SUMF1: variants seen among roughly 807,000 people sequenced by gnomAD.
SUMF1 encodes formylglycine-generating enzyme.
A neutral mutation model predicts 47.6 loss-of-function variants in SUMF1; 48 were observed. The ratio of observed to expected loss-of-function variants is 1.01; its 90% CI spans 0.80 to 1.28. The LOEUF is 1.28. Among genes scored for constraint, SUMF1 ranks in the 50% most tolerant of loss-of-function variants. The probability of loss-of-function intolerance (pLI) is 0.00; values close to 1 mark genes in which losing one functional copy is unlikely to be tolerated. For missense variants in SUMF1, 571 were observed against 485.4 expected, an observed-to-expected ratio of 1.18 and a Z score of -1.66; for synonymous variants, 230 against 192.1, an observed-to-expected ratio of 1.20 and a Z score of -1.63.
chr3:4,271,476 TAG>T (rs1697301334), intron 8 of SUMF1, among the ~76,000 whole-genome samples: 2 of 129,260 alleles, frequency 1.5e-5, no homozygotes, highest in South Asian at 4.7e-4. Flanking sequence ...TATAGATAGA[TAG>T]ATAGATAGAT....
At chr3:4,046,344 T>G (rs1447444734) in intron 9 of SUMF1, among the ~76,000 whole-genome samples, 1 of 152,168 alleles carries the variant, frequency 6.6e-6, no homozygotes, top group Non-Finnish European at 1.5e-5. Flanking sequence ...TTCTTCTCTT[T>G]GAGGTCACAC....
intron 8 of SUMF1, among the ~76,000 whole-genome samples, chr3:4,225,584 C>G (rs1045983955): frequency 6.6e-6 from 1 of 152,136 alleles, no homozygotes; most frequent in Admixed American, 6.5e-5. Context: ...TGCAGACAAA[C>G]AGCACTGGTG....
chr3:4,075,968 C>T (rs1692423416), intron 8 of SUMF1, among the ~76,000 whole-genome samples: 1 of 152,122 alleles, frequency 6.6e-6, no homozygotes, highest in African/African-American at 2.4e-5. Flanking sequence ...TGACTTTCTT[C>T]ACAGAATTGG....
chr3:4,203,375 C>A (rs1049106968), intron 8 of SUMF1, among the ~76,000 whole-genome samples: 1 of 151,874 alleles, frequency 6.6e-6, no homozygotes, highest in Non-Finnish European at 1.5e-5. Context: ...GCCTTTAAAT[C>A]CATTTTATGT....
rs867324232 is a variant in SUMF1 at position 4,066,752 on chromosome 3, C to T, written c.1191+1817G>A. On this transcript the variant is annotated intron_variant and NMD_transcript_variant, in intron 9 of 12. Transcript: ENST00000448413. ...CCTGCAATATAACAAAGCCTTATCCCCTGGCAAAACTCATTGTTTCAGTGA... is the reference window on the plus strand; with the variant it reads ...CCTGCAATATAACAAAGCCTTATCCTCTGGCAAAACTCATTGTTTCAGTGA... 4.6e-5 allele frequency among the ~76,000 whole-genome samples: 7 copies of T among 152,270 alleles called. No homozygotes were observed. The South Asian group carries it at 1.0e-3, about 23-fold the overall frequency.
chr3:4,316,944 C>A, intron 8 of SUMF1: 1 of 1,549,400 alleles, frequency 6.5e-7, no homozygotes, highest in South Asian at 1.2e-5. Context: ...GGGCCCAATT[C>A]TTCTCCACGA....
chr3:4,244,750 C>G lies in SUMF1; in HGVS notation c.1014+131580G>C, dbSNP rs527528726. Among the ~76,000 whole-genome samples, 9 of 152,110 alleles carry G rather than the reference C, an allele frequency of 5.9e-5. 1 individual carries two copies. Among genetic ancestry groups the G allele is most frequent in the Non-Finnish European group, 1.3e-4 (9 of 68,016 alleles). ...TTATGTGTCTTCAGGTTCCTATTCT[C>G]GTGGAGTATCTCTCTGGTGTTCTCT... On this transcript the variant is annotated intron_variant and NMD_transcript_variant, in intron 8 of 12. Transcript: ENST00000448413.
intron 8 of SUMF1, among the ~76,000 whole-genome samples, chr3:4,091,549 A>G (rs1376112225): frequency 1.3e-5 from 2 of 152,132 alleles, no homozygotes; most frequent in Non-Finnish European, 2.9e-5. Flanking sequence ...TTAAACAATT[A>G]CAAGGTTGTC....
intron 8 of SUMF1, among the ~76,000 whole-genome samples, chr3:4,071,989 C>A (rs934528819): frequency 6.6e-5 from 10 of 152,154 alleles, no homozygotes; most frequent in Non-Finnish European, 1.0e-4. Flanking sequence ...CCCCTGTGTA[C>A]CTGACTGAGA....
chr3:4,253,090 T>C, intron 8 of SUMF1, among the ~76,000 whole-genome samples: 1 of 152,192 alleles, frequency 6.6e-6, no homozygotes, highest in East Asian at 1.9e-4. Context: ...GTACAACATG[T>C]AGTGTAATGA....
intron 8 of SUMF1, among the ~76,000 whole-genome samples, chr3:4,270,704 C>T (rs554671840): frequency 4.6e-5 from 7 of 152,206 alleles, no homozygotes; most frequent in African/African-American, 1.4e-4. Context: ...CTAAGTATAA[C>T]TGGTATTAAA....
intron 4 of SUMF1, among the ~76,000 whole-genome samples, chr3:4,419,043 G>C (rs1415824690): frequency 2.0e-5 from 3 of 152,190 alleles, no homozygotes; most frequent in Non-Finnish European, 4.4e-5. Context: ...TCATGTGCCA[G>C]TCACTGTTTC....
At chr3:4,079,274 T>C (rs572657003) in intron 8 of SUMF1, among the ~76,000 whole-genome samples, 4 of 152,202 alleles carry the variant, frequency 2.6e-5, no homozygotes, top group African/African-American at 7.2e-5. Context: ...CACCAGAATC[T>C]TAGAGTTGGA....
At chr3:4,087,692 T>C (rs1692700843) in intron 8 of SUMF1, among the ~76,000 whole-genome samples, 1 of 151,928 alleles carries the variant, frequency 6.6e-6, no homozygotes. Context: ...AAACAAAATA[T>C]TATATAATCA....
At chr3:4,042,756 G>T (rs151320102) in intron 9 of SUMF1, among the ~76,000 whole-genome samples, 63 of 151,796 alleles carry the variant, frequency 4.2e-4, no homozygotes, top group African/African-American at 1.4e-3. Flanking sequence ...TGTTATTTAG[G>T]CTGACAATAA....
At chr3:4,205,632 C>T (rs904204280) in intron 8 of SUMF1, among the ~76,000 whole-genome samples, 1 of 152,200 alleles carries the variant, frequency 6.6e-6, no homozygotes, top group Non-Finnish European at 1.5e-5. Context: ...CAGCCATTAT[C>T]TGCTTTGGGG....
chr3:4,213,769 G>C (rs1182785562), intron 8 of SUMF1, among the ~76,000 whole-genome samples: 1 of 152,094 alleles, frequency 6.6e-6, no homozygotes, highest in Non-Finnish European at 1.5e-5. Context: ...CCCAGTCTCT[G>C]ATAAAACAGA....
intron 8 of SUMF1, among the ~76,000 whole-genome samples, chr3:4,128,016 C>A (rs1379667786): frequency 1.3e-5 from 2 of 151,902 alleles, no homozygotes; most frequent in Admixed American, 1.3e-4. Context: ...ACGTGGAGAA[C>A]CGAGGAACAT....
chr3:4,443,102 C>T (rs184287798), intron 3 of SUMF1, among the ~76,000 whole-genome samples: 50 of 151,786 alleles, frequency 3.3e-4, no homozygotes, highest in African/African-American at 1.1e-3. Context: ...ATGACAAAAC[C>T]CTGTCTCTGT....
Sources: allele counts gnomAD v4.1 joint callset (sites outside exome capture counted in the v4.1 genomes callset), GRCh38; gene constraint gnomAD v4.1.1; transcripts MANE v1.5; gene names NCBI Gene and HGNC (gene_info 2026-07-23, HGNC 2026-07-21).